KCNQ3: variants seen among roughly 807,000 people sequenced by gnomAD.
KCNQ3 encodes potassium voltage-gated channel subfamily KQT member 3.
KCNQ3 carries 30 observed loss-of-function variants against 92.5 expected under a neutral mutation model. That is an observed-to-expected ratio of 0.32 (90% CI 0.24 to 0.44). KCNQ3 has a LOEUF of 0.44. Ranked by LOEUF, KCNQ3 falls within the 20% of genes least tolerant of loss-of-function variation. The pLI is 1.00. For missense variants in KCNQ3, 913 were observed against 1,140.3 expected, an observed-to-expected ratio of 0.80 and a Z score of 2.87; for synonymous variants, 450 against 468.8, an observed-to-expected ratio of 0.96 and a Z score of 0.52.
chr8:132,250,543 G>A (rs897468226), intron 1 of KCNQ3, among the ~76,000 whole-genome samples: 5 of 152,084 alleles, frequency 3.3e-5, no homozygotes, highest in African/African-American at 1.2e-4. Flanking sequence ...GCTAAAACAA[G>A]GCTAAAGCTA....
At chr8:132,227,669 G>A (rs73356989) in intron 1 of KCNQ3, among the ~76,000 whole-genome samples, 3,037 of 152,264 alleles carry the variant, frequency 0.02, 102 homozygotes, top group African/African-American at 0.07. Context: ...CTACACTGGC[G>A]GTGCCGGGGG....
intron 1 of KCNQ3, among the ~76,000 whole-genome samples, chr8:132,472,014 T>C (rs2673563): frequency 0.91 from 138,356 of 152,240 alleles, 62,924 homozygotes; most frequent in East Asian, 0.92. Context: ...AAAAGATGTT[T>C]GATATCACTA....
chr8:132,327,612 T>G (rs932928819), intron 1 of KCNQ3, among the ~76,000 whole-genome samples: 3 of 152,168 alleles, frequency 2.0e-5, no homozygotes, highest in African/African-American at 7.2e-5. Flanking sequence ...GGAGCCCATG[T>G]GCCCCCTGCT....
chr8:132,337,913 T>A (rs1439239547), intron 1 of KCNQ3, among the ~76,000 whole-genome samples: 1 of 152,168 alleles, frequency 6.6e-6, no homozygotes, highest in Non-Finnish European at 1.5e-5. Flanking sequence ...GAGAGGAACA[T>A]CATAAATGCA....
intron 1 of KCNQ3, among the ~76,000 whole-genome samples, chr8:132,209,381 G>A (rs1465984562): frequency 6.6e-6 from 1 of 152,042 alleles, no homozygotes; most frequent in African/African-American, 2.4e-5. Context: ...CAGACTGAAT[G>A]GTGTCTTGCC....
intron 1 of KCNQ3, among the ~76,000 whole-genome samples, chr8:132,419,657 T>C (rs1820912408): frequency 6.6e-6 from 1 of 152,238 alleles, no homozygotes; most frequent in African/African-American, 2.4e-5. Context: ...CTGTTTTCTA[T>C]GTAGCCAGTA....
chr8:132,204,359 C>G (rs890372172), intron 1 of KCNQ3, among the ~76,000 whole-genome samples: 3 of 152,172 alleles, frequency 2.0e-5, no homozygotes, highest in South Asian at 4.1e-4. Flanking sequence ...GTGCACTATC[C>G]CTGCCTAGCC....
chr8:132,239,955 C>T (rs932650359), intron 1 of KCNQ3, among the ~76,000 whole-genome samples: 9 of 152,278 alleles, frequency 5.9e-5, no homozygotes, highest in African/African-American at 2.2e-4. Flanking sequence ...TCAATCACGG[C>T]CTTTGAGGCA....
chr8:132,370,836 C>G (rs947306108), intron 1 of KCNQ3, among the ~76,000 whole-genome samples: 1 of 152,196 alleles, frequency 6.6e-6, no homozygotes, highest in Non-Finnish European at 1.5e-5. Context: ...GTGCAAAGTG[C>G]TTCTCATGCC....
At chr8:132,397,504 TA>T (rs1322589029) in intron 1 of KCNQ3, among the ~76,000 whole-genome samples, 1 of 152,168 alleles carries the variant, frequency 6.6e-6, no homozygotes, top group Non-Finnish European at 1.5e-5. Flanking sequence ...GGGAATCATG[TA>T]AAATCTTATA....
intron 1 of KCNQ3, among the ~76,000 whole-genome samples, chr8:132,317,551 C>G (rs527904352): frequency 1.3e-5 from 2 of 152,170 alleles, no homozygotes; most frequent in Non-Finnish European, 2.9e-5. Flanking sequence ...TGTGGTGCTA[C>G]CTGTGGTGTC....
At chr8:132,240,912 A>G (rs1814973029) in intron 1 of KCNQ3, among the ~76,000 whole-genome samples, 1 of 151,410 alleles carries the variant, frequency 6.6e-6, no homozygotes, top group Non-Finnish European at 1.5e-5. Context: ...TTTTTGAGAC[A>G]GAGTCTTGTT....
chr8:132,234,833 C>T (rs1187508772), intron 1 of KCNQ3, among the ~76,000 whole-genome samples: 2 of 152,186 alleles, frequency 1.3e-5, no homozygotes, highest in Non-Finnish European at 2.9e-5. Flanking sequence ...GGACTATGCA[C>T]TCCTCTCCAT....
chr8:132,251,265 GA>G (rs1332947346), intron 1 of KCNQ3, among the ~76,000 whole-genome samples: 5 of 150,542 alleles, frequency 3.3e-5, no homozygotes, highest in African/African-American at 4.9e-5. Flanking sequence ...AGACTCTGAA[GA>G]AAAAAAAAGG....
chr8:132,157,212 G>A (rs1182023843), intron 9 of KCNQ3, among the ~76,000 whole-genome samples: 3 of 152,218 alleles, frequency 2.0e-5, no homozygotes, highest in South Asian at 4.1e-4. Flanking sequence ...GACTGATGAA[G>A]CCAAGTCAGG....
chr8:132,457,264 A>G (rs1821963720), intron 1 of KCNQ3, among the ~76,000 whole-genome samples: 1 of 152,238 alleles, frequency 6.6e-6, no homozygotes, highest in South Asian at 2.1e-4. Flanking sequence ...AGTCCTATCC[A>G]TAATAGCTTC....
intron 2 of KCNQ3, among the ~76,000 whole-genome samples, chr8:132,185,779 G>C (rs1423820545): frequency 6.6e-6 from 1 of 152,230 alleles, no homozygotes; most frequent in African/African-American, 2.4e-5. Flanking sequence ...ACATGCCTTT[G>C]TGTTACCTTT....
intron 1 of KCNQ3, among the ~76,000 whole-genome samples, chr8:132,261,428 G>C (rs1019452528): frequency 9.2e-5 from 14 of 152,190 alleles, no homozygotes; most frequent in Admixed American, 8.5e-4. Context: ...AATGTGGCCT[G>C]AGTCTCTCAT....
At chr8:132,253,829 C>T (rs1236601860) in intron 1 of KCNQ3, among the ~76,000 whole-genome samples, 1 of 152,234 alleles carries the variant, frequency 6.6e-6, no homozygotes, top group East Asian at 1.9e-4. Context: ...TCCATCTATT[C>T]CTGGCCCTGG....
Sources: gnomAD v4.1 joint callset for allele counts (sites outside exome capture counted in the v4.1 genomes callset) on GRCh38, gnomAD v4.1.1 for gene constraint, MANE v1.5 for transcripts, NCBI Gene and HGNC (gene_info 2026-07-23, HGNC 2026-07-21) for gene names.